Variants in NPAS2 observed in about 807,000 individuals in gnomAD.
The protein encoded by NPAS2 is neuronal PAS domain-containing protein 2.
In NPAS2, 23 loss-of-function variants were observed where a neutral mutation model predicts 107.5. The observed-to-expected ratio is 0.21, with a 90% CI of 0.15 to 0.30. The LOEUF is 0.30. Among genes scored for constraint, NPAS2 ranks in the 10% least tolerant of loss-of-function variants. The probability of loss-of-function intolerance (pLI) is 1.00; values close to 1 mark genes in which losing one functional copy is unlikely to be tolerated. For synonymous variants in NPAS2, 403 were observed against 417.5 expected, an observed-to-expected ratio of 0.97 and a Z score of 0.42; for missense variants, 756 against 1,043.3, an observed-to-expected ratio of 0.72 and a Z score of 3.79.
At chr2:100,969,771 C>T (rs562651063) in intron 11 of NPAS2, among the ~76,000 whole-genome samples, 1 of 152,242 alleles carries the variant, frequency 6.6e-6, no homozygotes, top group South Asian at 2.1e-4. Flanking sequence ...AGGCTACACA[C>T]CTGTACAGCA....
At chr2:100,836,674 C>T (rs552099175) in intron 1 of NPAS2, among the ~76,000 whole-genome samples, 1 of 152,294 alleles carries the variant, frequency 6.6e-6, no homozygotes, top group South Asian at 2.1e-4. Flanking sequence ...CTTCTTTCTT[C>T]CGTACGCACG....
intron 1 of NPAS2, among the ~76,000 whole-genome samples, chr2:100,868,857 T>G (rs1020604395): frequency 6.6e-6 from 1 of 152,236 alleles, no homozygotes; most frequent in Admixed American, 6.5e-5. Context: ...GGTCTTCATT[T>G]TCTAAAAATA....
intron 16 of NPAS2, chr2:100,984,522 C>G (rs957623505): frequency 6.6e-6 from 1 of 152,084 alleles, no homozygotes; most frequent in African/African-American, 2.4e-5. Flanking sequence ...TAGAAATAAG[C>G]AGATAACACT....
intron 16 of NPAS2, chr2:100,986,509 C>T (rs1368371729): frequency 1.3e-5 from 2 of 152,246 alleles, no homozygotes; most frequent in Admixed American, 6.5e-5. Flanking sequence ...AGCCTTCCCC[C>T]TAAAGAACTC....
chr2:100,930,102 A>T (rs1326145365), intron 3 of NPAS2, among the ~76,000 whole-genome samples: 1 of 152,240 alleles, frequency 6.6e-6, no homozygotes, highest in Non-Finnish European at 1.5e-5. Flanking sequence ...CATATTGGAC[A>T]TCCTTATCTA....
At chr2:100,852,434 G>GC (rs1455068707) in intron 1 of NPAS2, among the ~76,000 whole-genome samples, 2 of 152,096 alleles carry the variant, frequency 1.3e-5, no homozygotes, top group Non-Finnish European at 2.9e-5. Context: ...AGTTTTGAAA[G>GC]CCTCCAGGAA....
rs530175072 is a variant in NPAS2, at chr2:100,982,235, C to T, written c.1487C>T (p.Ser496Leu). The T allele has an allele frequency of 6.8e-6, 11 of 1,614,018 alleles. No homozygotes were observed. Among genetic ancestry groups the T allele is most frequent in the Non-Finnish European group, 6.8e-6 (8 of 1,179,992 alleles). The change falls in exon 16 of 21, where the codon TCG (serine) becomes TTG (leucine). Residue 496 changes from serine (S) to leucine (L), a missense_variant. By Grantham distance (145) the Ser-to-Leu change is moderately radical. This residue lies in a region of NPAS2 where 496 missense variants were observed against 594.4 expected (regional missense o/e 0.83). Coordinates refer to ENST00000335681, the MANE Select transcript of NPAS2 (RefSeq NM_002518.4). ...TTTTTCGGCTCCACCTTGAAGTTTT[C>T]GGCACAGTTCAGCATGTTCCAGACC... The part of the protein sequence containing the change: ...QSTPAPMAQF[S>L]AQFSMFQTIK...
chr2:100,990,732 G>C, intron 18 of NPAS2, 48 bp from the exon 19 acceptor site: 1 of 1,537,716 alleles, frequency 6.5e-7, no homozygotes. Flanking sequence ...CAGTGGGTCT[G>C]TGGTTCAGGT....
chr2:100,891,214 A>C (rs1681041984), intron 1 of NPAS2, among the ~76,000 whole-genome samples: 1 of 151,168 alleles, frequency 6.6e-6, no homozygotes, highest in Admixed American at 6.6e-5. Flanking sequence ...CCTGGGCGAC[A>C]GAATGAGACT....
At chr2:100,882,281 G>A (rs1048930490) in intron 1 of NPAS2, among the ~76,000 whole-genome samples, 11 of 152,064 alleles carry the variant, frequency 7.2e-5, no homozygotes, top group East Asian at 1.9e-4. Flanking sequence ...GTGGATTTGC[G>A]TAACCACCAC....
chr2:100,971,244 A>G (rs1391119747), intron 12 of NPAS2, among the ~76,000 whole-genome samples, 170 bp downstream of exon 12: 1 of 143,354 alleles, frequency 7.0e-6, no homozygotes, highest in Non-Finnish European at 1.5e-5. Context: ...GGCTGTGGTG[A>G]GCTATGATTG....
At chr2:100,854,158 CAAAAA>C (rs70943046) in intron 1 of NPAS2, among the ~76,000 whole-genome samples, 22 of 59,600 alleles carry the variant, frequency 3.7e-4, no homozygotes, top group African/African-American at 1.5e-3. Flanking sequence ...CCTGCCTCAA[CAAAAA>C]AAAAAAAAAA....
chr2:100,866,094 G>A (rs1007004257), intron 1 of NPAS2, among the ~76,000 whole-genome samples: 1 of 152,174 alleles, frequency 6.6e-6, no homozygotes, highest in African/African-American at 2.4e-5. Flanking sequence ...CAGCTGTCTG[G>A]CCACACACTC....
At chr2:100,859,892 A>G (rs1247881510) in intron 1 of NPAS2, among the ~76,000 whole-genome samples, 1 of 152,226 alleles carries the variant, frequency 6.6e-6, no homozygotes, top group Non-Finnish European at 1.5e-5. Flanking sequence ...ACAGTTGCCT[A>G]TCATGTTCTG....
chr2:100,903,976 A>C (rs1175747320), intron 1 of NPAS2, among the ~76,000 whole-genome samples: 3 of 152,124 alleles, frequency 2.0e-5, no homozygotes, highest in Non-Finnish European at 4.4e-5. Flanking sequence ...GGGAGAGTAG[A>C]GGCTCCGGTG....
rs115907938 is a variant in NPAS2, at chr2:100,974,971, T to C, written c.1282+27T>C. 3 of 1,612,036 alleles carry C rather than the reference T, an allele frequency of 1.9e-6. No individual in the cohort carries two copies. In the African/African-American group the frequency reaches 4.0e-5, roughly 22 times the overall value. On this transcript the variant is annotated intron_variant, in intron 13 of 20. Transcript: ENST00000335681. ...TGAGTGCGAGTCCATGGATGGGGAG[T>C]GGGATGTCCACATCAGACCAGAGGG...
chr2:100,881,898 G>C (rs965624021), intron 1 of NPAS2, among the ~76,000 whole-genome samples: 7 of 152,166 alleles, frequency 4.6e-5, no homozygotes, highest in African/African-American at 1.7e-4. Context: ...TCCAGGGCCT[G>C]CTTCAGCTCT....
chr2:100,821,007 TC>T (rs1558778103), intron 1 of NPAS2: 1 of 1,265,794 alleles, frequency 7.9e-7, no homozygotes, highest in African/African-American at 1.6e-5. Flanking sequence ...CCACCCCAAC[TC>T]CGGAGCTCCC....
chr2:100,871,254 C>T (rs1376336549), intron 1 of NPAS2, among the ~76,000 whole-genome samples: 2 of 152,044 alleles, frequency 1.3e-5, no homozygotes, highest in African/African-American at 4.8e-5. Context: ...CCATATCTCA[C>T]TTTGCAAAGA....
Sources: allele counts gnomAD v4.1 joint callset (sites outside exome capture counted in the v4.1 genomes callset), GRCh38; gene constraint gnomAD v4.1.1; regional missense constraint gnomAD v4.1.1; transcripts MANE v1.5; gene names NCBI Gene and HGNC (gene_info 2026-07-23, HGNC 2026-07-21).